DDR2: variants seen among roughly 807,000 people sequenced by gnomAD.
DDR2 encodes the protein discoidin domain-containing receptor 2.
DDR2 carries 27 observed loss-of-function variants against 94.9 expected under a neutral mutation model. That is an observed-to-expected ratio of 0.28 (90% CI 0.21 to 0.39). DDR2 has a LOEUF of 0.39. Among genes scored for constraint, DDR2 ranks in the 10% least tolerant of loss-of-function variants. The pLI is 1.00. For missense variants in DDR2, 783 were observed against 1,076.0 expected, an observed-to-expected ratio of 0.73 and a Z score of 3.81; for synonymous variants, 382 against 377.2, an observed-to-expected ratio of 1.01 and a Z score of -0.15.
intron 2 of DDR2, among the ~76,000 whole-genome samples, chr1:162,706,942 A>G (rs1660691630): frequency 1.3e-5 from 2 of 152,184 alleles, no homozygotes; most frequent in South Asian, 2.1e-4. Context: ...CTCTTGATCA[A>G]TGACTTTATT....
At position 162,642,022 on chromosome 1, in the gene DDR2, A is replaced by C. The variant is rs896040870; in HGVS notation, c.-192+9391A>C. Among the ~76,000 whole-genome samples, 230 of 152,080 alleles carry C rather than the reference A, an allele frequency of 1.5e-3. 4 individuals carry two copies. The highest frequency in any genetic ancestry group is 5.2e-3 in the African/African-American group (215 of 41,500). ...CTAGAGTGCAGTGGCGGGATCTCGG[A>C]TCACTGCAACCTCTGCCTCCTGGGT... On this transcript the variant is annotated intron_variant, in intron 1 of 17. Coordinates refer to ENST00000367921, the MANE Select transcript of DDR2 (RefSeq NM_006182.4).
rs1234400828 is a variant in DDR2 at position 162,782,803 on chromosome 1, G to A, written c.*2557G>A. ...ACAATGTCTGAATTTTCCTGGCCTT[G>A]AGTCACAGAAGTAATATGTTTCAGA... On this transcript the variant is annotated 3_prime_UTR_variant, in exon 18 of 18. Transcript: ENST00000367921. The A allele has an allele frequency of 6.6e-6, 1 of 151,894 alleles. No homozygotes were observed. Among genetic ancestry groups the A allele is most frequent in the Non-Finnish European group, 1.5e-5 (1 of 68,008 alleles). 9.4% of individuals were successfully genotyped at this position (151,894 alleles called of 1,614,324 possible).
chr1:162,640,128 G>T (rs1557998946), intron 1 of DDR2, among the ~76,000 whole-genome samples: 2 of 149,260 alleles, frequency 1.3e-5, no homozygotes, highest in African/African-American at 5.0e-5. Context: ...TGCAACCTCT[G>T]CCTCCTGGGT....
chr1:162,635,860 G>GATAA (rs2101880190), intron 1 of DDR2, among the ~76,000 whole-genome samples: 1 of 152,324 alleles, frequency 6.6e-6, no homozygotes, highest in East Asian at 1.9e-4. Context: ...TACCTCTGCT[G>GATAA]ATAAATCTCC....
intron 3 of DDR2, among the ~76,000 whole-genome samples, chr1:162,732,744 G>A (rs968713451): frequency 1.3e-5 from 2 of 152,266 alleles, no homozygotes; most frequent in African/African-American, 2.4e-5. Flanking sequence ...GGCCATGTGT[G>A]TGTTTTCCTG....
rs866790555 is a variant in DDR2 at position 162,727,188 on chromosome 1, A to G, written c.82+8043A>G. On this transcript the variant is annotated intron_variant, in intron 3 of 17. Coordinates refer to ENST00000367921, the MANE Select transcript of DDR2 (RefSeq NM_006182.4). Reference sequence around the variant, plus strand: ...CATATATTTATATTTTGTAAATATAAACATATATTTATATTTTGTAAATAT... The same window carrying G: ...CATATATTTATATTTTGTAAATATAGACATATATTTATATTTTGTAAATAT... 3.3e-3 allele frequency among the ~76,000 whole-genome samples: 386 copies of G among 115,680 alleles called. 1 individual carries two copies. Among genetic ancestry groups the G allele is most frequent in the Admixed American group, 4.8e-3 (57 of 11,832 alleles). 75.9% of individuals were successfully genotyped at this position (115,680 alleles called of 152,430 possible).
intron 2 of DDR2, among the ~76,000 whole-genome samples, chr1:162,696,969 AG>A (rs1238996375): frequency 2.6e-5 from 4 of 151,930 alleles, no homozygotes; most frequent in Non-Finnish European, 4.4e-5. Flanking sequence ...CTATTATACA[AG>A]AGATTCAACC....
At chr1:162,736,356 C>T (rs758279115) in intron 3 of DDR2, among the ~76,000 whole-genome samples, 21 of 152,182 alleles carry the variant, frequency 1.4e-4, no homozygotes, top group Non-Finnish European at 2.5e-4. Flanking sequence ...TTGCTCAGAT[C>T]CCACATGGTA....
chr1:162,667,030 A>C (rs954653243), intron 2 of DDR2, among the ~76,000 whole-genome samples: 2 of 150,840 alleles, frequency 1.3e-5, no homozygotes, highest in South Asian at 2.1e-4. Flanking sequence ...AAATGGAACT[A>C]TTCATATATG....
At chr1:162,656,833 G>GTTTTGTTTTTTTTTTTT (rs1558008740) in intron 2 of DDR2, among the ~76,000 whole-genome samples, 7 of 65,696 alleles carry the variant, frequency 1.1e-4, no homozygotes, top group Admixed American at 4.8e-4. Flanking sequence ...TGCCACTGGA[G>GTTTTGTTTTTTTTTTTT]TTTTTTTTTT....
At chr1:162,709,860 A>G (rs559710663) in intron 2 of DDR2, among the ~76,000 whole-genome samples, 1 of 152,336 alleles carries the variant, frequency 6.6e-6, no homozygotes, top group African/African-American at 2.4e-5. Context: ...GGGTCTTAGC[A>G]GACTGAGGGA....
chr1:162,755,877 G>A lies in DDR2; in HGVS notation c.671+108G>A, dbSNP rs1663440543. On this transcript the variant is annotated intron_variant, in intron 7 of 17. Transcript: ENST00000367921. ...CAATCAACCAATCAGTATTTATTTA[G>A]TTCTTGTACAAGGCATTTGGAAATA... 4.1e-6 allele frequency: 4 copies of A among 964,270 alleles called. No homozygotes were observed. The South Asian group carries it at 5.6e-5, about 13-fold the overall frequency. The allele number at this position is 964,270 out of a possible 1,614,324, so 59.7% of individuals were successfully genotyped here.
intron 2 of DDR2, among the ~76,000 whole-genome samples, chr1:162,657,026 A>T (rs1658020018): frequency 6.6e-6 from 1 of 151,256 alleles, no homozygotes. Flanking sequence ...TTTTGTGGAG[A>T]TGAGGGTCTC....
chr1:162,768,100 T>C (rs182122203), intron 11 of DDR2, among the ~76,000 whole-genome samples: 1 of 152,352 alleles, frequency 6.6e-6, no homozygotes, highest in Non-Finnish European at 1.5e-5. Context: ...GAAAATGTGA[T>C]GTGCTTAAGG....
rs769445949 is a variant in DDR2, at chr1:162,753,226, T to C, written c.185+29T>C. 1.4e-5 allele frequency: 23 copies of C among 1,602,172 alleles called. No homozygotes were observed. The Admixed American group carries it at 1.5e-4, about 10-fold the overall frequency. ...AGGATGGTTACATCAAGAAAGCCCATGTTCTGGGGTTGGGCAGATTTCCTG... is the reference window on the plus strand; with the variant it reads ...AGGATGGTTACATCAAGAAAGCCCACGTTCTGGGGTTGGGCAGATTTCCTG... On this transcript the variant is annotated intron_variant, in intron 4 of 17. Transcript: ENST00000367921.
At chr1:162,716,807 T>C (rs1390889804) in intron 2 of DDR2, among the ~76,000 whole-genome samples, 1 of 152,092 alleles carries the variant, frequency 6.6e-6, no homozygotes, top group South Asian at 2.1e-4. Flanking sequence ...TCCTTACTCA[T>C]GTCATCCTCT....
At chr1:162,713,258 T>G (rs188059804) in intron 2 of DDR2, among the ~76,000 whole-genome samples, 1 of 152,184 alleles carries the variant, frequency 6.6e-6, no homozygotes, top group Non-Finnish European at 1.5e-5. Flanking sequence ...ATAGGACGTG[T>G]TCCCCCCACA....
intron 2 of DDR2, among the ~76,000 whole-genome samples, chr1:162,715,433 A>G (rs1157017029): frequency 6.6e-6 from 1 of 152,174 alleles, no homozygotes; most frequent in Non-Finnish European, 1.5e-5. Flanking sequence ...CAAAGAGAGG[A>G]GAGAAACTTC....
chr1:162,669,399 A>G (rs990197893), intron 2 of DDR2, among the ~76,000 whole-genome samples: 1 of 152,234 alleles, frequency 6.6e-6, no homozygotes, highest in Non-Finnish European at 1.5e-5. Flanking sequence ...ATCGAATACC[A>G]TTAGAATTTT....
Sources: allele counts gnomAD v4.1 joint callset (sites outside exome capture counted in the v4.1 genomes callset), GRCh38; gene constraint gnomAD v4.1.1; transcripts MANE v1.5; gene names NCBI Gene and HGNC (gene_info 2026-07-23, HGNC 2026-07-21).